Variants in AKAP6 observed in about 807,000 individuals in gnomAD.
The protein encoded by AKAP6 is A-kinase anchor protein 6.
Under a neutral mutation model 188.5 loss-of-function variants are expected in AKAP6, and 58 were observed. That is an observed-to-expected ratio of 0.31 (90% confidence interval 0.25 to 0.38). The LOEUF (loss-of-function observed/expected upper bound fraction) is 0.38, where lower values mean the gene tolerates loss of function less well. Ranked by LOEUF, AKAP6 falls within the 10% of genes least tolerant of loss-of-function variation. The pLI is 1.00. For missense variants in AKAP6, 2,710 were observed against 2,740.0 expected (o/e 0.99, Z 0.24); for synonymous variants, 989 against 998.6 (o/e 0.99, Z 0.18).
intron 12 of AKAP6, among the ~76,000 whole-genome samples, chr14:32,776,429 A>G (rs1262491695): frequency 2.0e-5 from 3 of 152,130 alleles, no homozygotes; most frequent in Non-Finnish European, 4.4e-5. Context: ...GCCTTCCACC[A>G]TGATTGTGAG....
At chr14:32,710,677 A>T (rs570436307) in intron 9 of AKAP6, among the ~76,000 whole-genome samples, 22 of 152,180 alleles carry the variant, frequency 1.4e-4, no homozygotes, top group Middle Eastern at 3.4e-3. Context: ...TTTCCTCCAG[A>T]TCATTGAAAC....
chr14:32,610,483 C>T (rs1886307611), intron 7 of AKAP6, among the ~76,000 whole-genome samples: 1 of 152,136 alleles, frequency 6.6e-6, no homozygotes, highest in Non-Finnish European at 1.5e-5. Flanking sequence ...TAGCTCTGGA[C>T]AGGATACTGT....
At chr14:32,769,832 G>C (rs1305286133) in intron 11 of AKAP6, among the ~76,000 whole-genome samples, 1 of 151,570 alleles carries the variant, frequency 6.6e-6, no homozygotes. Flanking sequence ...AAATAAAGCT[G>C]TTCTTTTATT....
chr14:32,527,496 T>G (rs1882193208), intron 2 of AKAP6, among the ~76,000 whole-genome samples: 2 of 152,192 alleles, frequency 1.3e-5, no homozygotes, highest in South Asian at 4.1e-4. Flanking sequence ...GATTGCTGGT[T>G]TTTATGGTGA....
rs75809626 is a variant in AKAP6 at position 32,728,362 on chromosome 14, C to T, written c.3001-4092C>T. ...TTCTCAGTGTATTCTATCTATCTAT[C>T]TATCTATCTATCTATCTATCTATCT... On this transcript the variant is annotated intron_variant, in intron 9 of 13. Coordinates refer to ENST00000280979, the MANE Select transcript of AKAP6 (RefSeq NM_004274.5). 2.1e-3 allele frequency among the ~76,000 whole-genome samples: 284 copies of T among 137,060 alleles called. 1 individual carries two copies. The South Asian group carries it at 0.041, about 20-fold the overall frequency. 89.9% of individuals were successfully genotyped at this position (137,060 alleles called of 152,430 possible).
In AKAP6 at chr14:32,568,616, G is replaced by A. The variant is rs10149843; in HGVS notation, c.2347-8504G>A. Reference sequence around the variant, plus strand: ...GGAGGATTGGGGGTGCTTGAAGCAAGGTCTCACCTAGAGCAAGTCTGCCAA... The same window carrying A: ...GGAGGATTGGGGGTGCTTGAAGCAAAGTCTCACCTAGAGCAAGTCTGCCAA... On this transcript the variant is annotated intron_variant, in intron 4 of 13. Transcript: ENST00000280979. This position sits in a 1 kb window ranked among gnomAD's most constrained non-coding sequence, Gnocchi z 6.2. Among the ~76,000 whole-genome samples, 3 of 151,942 alleles carry A rather than the reference G, an allele frequency of 2.0e-5. No homozygotes were observed. The highest frequency in any genetic ancestry group is 7.3e-5 in the African/African-American group (3 of 41,364).
At chr14:32,715,808 G>A (rs2030164499) in intron 9 of AKAP6, among the ~76,000 whole-genome samples, 1 of 151,734 alleles carries the variant, frequency 6.6e-6, no homozygotes, top group Non-Finnish European at 1.5e-5. Flanking sequence ...TAGATTCAAT[G>A]TTTCATATAG....
At chr14:32,540,424 C>T (rs751568624) in intron 3 of AKAP6, among the ~76,000 whole-genome samples, 17 of 151,778 alleles carry the variant, frequency 1.1e-4, no homozygotes, top group Non-Finnish European at 2.5e-4. Context: ...GTCTTGAACT[C>T]CTAGGCTCAA....
At chr14:32,638,747 A>G (rs1887627288) in intron 7 of AKAP6, among the ~76,000 whole-genome samples, 1 of 152,060 alleles carries the variant, frequency 6.6e-6, no homozygotes, top group Admixed American at 6.6e-5. Context: ...GGTAGAGGGT[A>G]AAGGGTGGTA....
intron 1 of AKAP6, among the ~76,000 whole-genome samples, chr14:32,426,027 G>A (rs1890019094): frequency 6.6e-6 from 1 of 152,142 alleles, no homozygotes; most frequent in African/African-American, 2.4e-5. Flanking sequence ...TTTTGAATAT[G>A]GTGTTAGGAA....
chr14:32,649,607 T>A (rs1888126103), intron 7 of AKAP6, among the ~76,000 whole-genome samples: 1 of 152,208 alleles, frequency 6.6e-6, no homozygotes, highest in Non-Finnish European at 1.5e-5. Flanking sequence ...TTTTCCTTAC[T>A]GCAAATCTTA....
At chr14:32,601,710 A>T (rs564883032) in intron 7 of AKAP6, among the ~76,000 whole-genome samples, 2 of 152,348 alleles carry the variant, frequency 1.3e-5, no homozygotes, top group African/African-American at 4.8e-5. Context: ...TAAGTAAATC[A>T]TCATCAAGTC....
intron 1 of AKAP6, among the ~76,000 whole-genome samples, chr14:32,394,541 A>G (rs1391970204): frequency 6.6e-6 from 1 of 152,170 alleles, no homozygotes; most frequent in Non-Finnish European, 1.5e-5. Context: ...ACCAAAGAAC[A>G]ATCAAGGTTA....
chr14:32,379,059 C>T (rs145387731), intron 1 of AKAP6, among the ~76,000 whole-genome samples: 19 of 151,944 alleles, frequency 1.3e-4, no homozygotes, highest in East Asian at 3.9e-4. Flanking sequence ...GCTGGGATTA[C>T]GGGCATGCAC....
intron 2 of AKAP6, among the ~76,000 whole-genome samples, chr14:32,496,525 C>T (rs759800782): frequency 2.4e-4 from 36 of 150,918 alleles, no homozygotes; most frequent in Non-Finnish European, 4.3e-4. Flanking sequence ...ATTGTGCCTT[C>T]GGTGGAGAAA....
At position 32,496,790 on chromosome 14, in the gene AKAP6, T is replaced by C. The variant is rs1258999358; in HGVS notation, c.325-38764T>C. Among the ~76,000 whole-genome samples, 7 of 152,178 alleles carry C rather than the reference T, an allele frequency of 4.6e-5. No homozygotes were observed. The East Asian group carries it at 1.3e-3, about 29-fold the overall frequency. On this transcript the variant is annotated intron_variant, in intron 2 of 13. Coordinates refer to ENST00000280979, the MANE Select transcript of AKAP6 (RefSeq NM_004274.5). ...TGTATGGCTCAACCTAGTTATTTAA[T>C]GAACATTAACTCATATTAATGAAAG...
intron 4 of AKAP6, among the ~76,000 whole-genome samples, chr14:32,560,186 G>A (rs1335336650): frequency 1.3e-5 from 2 of 152,130 alleles, no homozygotes; most frequent in African/African-American, 2.4e-5. Flanking sequence ...ATTTTAAAAG[G>A]TAAGGCTGCA....
At chr14:32,805,103 C>T (rs1349864173) in intron 12 of AKAP6, among the ~76,000 whole-genome samples, 2 of 152,166 alleles carry the variant, frequency 1.3e-5, no homozygotes, top group African/African-American at 2.4e-5. Context: ...ACATCCTCAG[C>T]TTACGAAGAT....
chr14:32,506,900 T>C (rs1430540098), intron 2 of AKAP6, among the ~76,000 whole-genome samples: 1 of 152,160 alleles, frequency 6.6e-6, no homozygotes, highest in African/African-American at 2.4e-5. Context: ...TGTATAATTA[T>C]ACACATTCAT....
Sources: allele counts gnomAD v4.1 joint callset (sites outside exome capture counted in the v4.1 genomes callset), GRCh38; gene constraint gnomAD v4.1.1; non-coding constraint Gnocchi (gnomAD v3.1); transcripts MANE v1.5; gene names NCBI Gene and HGNC (gene_info 2026-07-23, HGNC 2026-07-21).